The following FGF14 variants were observed in gnomAD, a reference collection of about 807,000 sequenced individuals.
The protein encoded by FGF14 is fibroblast growth factor homologous factor 4.
A neutral mutation model predicts 25.5 loss-of-function variants in FGF14; 5 were observed. The observed-to-expected ratio is 0.20, with a 90% CI of 0.10 to 0.41. FGF14 has a LOEUF of 0.41. Ranked by LOEUF, FGF14 falls within the 10% of genes least tolerant of loss-of-function variation. The pLI, the probability that FGF14 is intolerant of heterozygous loss-of-function variation, is 1.00. For synonymous variants in FGF14, 138 were observed against 118.3 expected (o/e 1.17, Z -1.08); for missense variants, 222 against 320.1 (o/e 0.69, Z 2.34).
intron 1 of FGF14, among the ~76,000 whole-genome samples, chr13:101,990,669 G>A (rs2038852731): frequency 6.6e-6 from 1 of 152,062 alleles, no homozygotes; most frequent in Non-Finnish European, 1.5e-5. Context: ...CTGGGCAGCA[G>A]GCTCTCTATG....
chr13:102,174,633 G>C (rs1459226085), intron 1 of FGF14, among the ~76,000 whole-genome samples: 5 of 152,120 alleles, frequency 3.3e-5, no homozygotes, highest in South Asian at 2.1e-4. Context: ...AGAAATCGTG[G>C]ATAATGGAGA....
chr13:102,304,508 AAAGG>A (rs2055263316), intron 1 of FGF14, among the ~76,000 whole-genome samples: 1 of 152,176 alleles, frequency 6.6e-6, no homozygotes, highest in Non-Finnish European at 1.5e-5. Flanking sequence ...GAAGTAAGAA[AAAGG>A]AATCGGTGGT....
intron 1 of FGF14, among the ~76,000 whole-genome samples, chr13:102,218,865 A>G (rs1043490067): frequency 2.0e-5 from 3 of 152,164 alleles, no homozygotes; most frequent in African/African-American, 7.2e-5. Flanking sequence ...TCTTAAGAGC[A>G]AATTCATTTT....
intron 1 of FGF14, among the ~76,000 whole-genome samples, chr13:101,878,134 T>G (rs1356584025): frequency 6.6e-6 from 1 of 152,186 alleles, no homozygotes. Context: ...ATCCATCCCC[T>G]GCAAGTAGCC....
intron 1 of FGF14, among the ~76,000 whole-genome samples, chr13:102,275,408 AT>A (rs569447714): frequency 2.6e-5 from 4 of 152,040 alleles, no homozygotes; most frequent in Non-Finnish European, 5.9e-5. Flanking sequence ...GGGCTATTAT[AT>A]TTTTTTACAA....
intron 3 of FGF14, among the ~76,000 whole-genome samples, chr13:101,746,701 A>G (rs1031799011): frequency 6.6e-6 from 1 of 152,048 alleles, no homozygotes; most frequent in Admixed American, 6.6e-5. Context: ...AAGGCACTTT[A>G]TCAATGCCAG....
At chr13:102,133,536 A>T (rs2046289411) in intron 1 of FGF14, among the ~76,000 whole-genome samples, 1 of 152,230 alleles carries the variant, frequency 6.6e-6, no homozygotes, top group South Asian at 2.1e-4. Context: ...TATGTAAAGT[A>T]AGAGACTTAT....
At chr13:102,118,565 T>C (rs1391134494) in intron 1 of FGF14, among the ~76,000 whole-genome samples, 2 of 152,116 alleles carry the variant, frequency 1.3e-5, no homozygotes, top group Non-Finnish European at 2.9e-5. Context: ...AGAAACCAAA[T>C]AACTGATCAG....
chr13:101,765,718 T>TTATTATTTTATTTATTTA (rs1555377152), intron 3 of FGF14, among the ~76,000 whole-genome samples: 22 of 143,318 alleles, frequency 1.5e-4, no homozygotes, highest in African/African-American at 5.4e-4. Flanking sequence ...ATTATTATTA[T>TTATTATTTTATTTATTTA]TTTATTTATT....
In FGF14 at chr13:101,719,533, CAAGTA is replaced by C. The variant is rs771376584; in HGVS notation, c.*3293_*3297del. 1 of 151,940 alleles carries C rather than the reference CAAGTA, an allele frequency of 6.6e-6. No individual in the cohort carries two copies. Among genetic ancestry groups the C allele is most frequent in the Non-Finnish European group, 1.5e-5 (1 of 67,990 alleles). 9.4% of individuals were successfully genotyped at this position (151,940 alleles called of 1,614,324 possible). A position where few individuals can be genotyped will look rare whatever the true frequency, so the allele number is the denominator to read the frequency against. On this transcript the variant is annotated 3_prime_UTR_variant, in exon 5 of 5. Transcript: ENST00000376143. ...ATTGTCATGTCTTCTCTAATTTTTC[CAAGTA>C]AAGTGGTAGCAAAATGTTTTAAAAA...
intron 1 of FGF14, among the ~76,000 whole-genome samples, chr13:102,264,256 C>T (rs1046312335): frequency 9.2e-5 from 14 of 151,904 alleles, no homozygotes; most frequent in Non-Finnish European, 4.4e-5. Context: ...ACTAGGATTG[C>T]ATAGGGACAA....
Position 102,045,925 on chromosome 13 carries a change from A to G in FGF14, c.209-170629T>C, listed in dbSNP as rs551021872. The G allele has an allele frequency of 2.1e-4, 33 of 154,150 alleles. No homozygotes were observed. In the South Asian group the frequency reaches 2.7e-3, roughly 12 times the overall value. 9.5% of individuals were successfully genotyped at this position (154,150 alleles called of 1,614,324 possible). On this transcript the variant is annotated intron_variant, in intron 1 of 4. Transcript: ENST00000376131. ...TGTGAGGAATGGCTAGAAGAGCTGAACAAGCATTCTCACAAAACCAATCAC... is the reference window on the plus strand; with the variant it reads ...TGTGAGGAATGGCTAGAAGAGCTGAGCAAGCATTCTCACAAAACCAATCAC...
chr13:102,032,159 C>T (rs1428611690), intron 1 of FGF14, among the ~76,000 whole-genome samples: 2 of 152,118 alleles, frequency 1.3e-5, no homozygotes, highest in Admixed American at 1.3e-4. Context: ...AGCACAGGAC[C>T]TTACCCACTG....
chr13:102,326,799 G>C (rs541337540), intron 1 of FGF14, among the ~76,000 whole-genome samples: 4 of 150,272 alleles, frequency 2.7e-5, no homozygotes, highest in African/African-American at 9.8e-5. Flanking sequence ...AAGGAAGGAA[G>C]GAAATATATA....
At chr13:101,811,125 A>C (rs1174306993) in intron 3 of FGF14, among the ~76,000 whole-genome samples, 1 of 150,604 alleles carries the variant, frequency 6.6e-6, no homozygotes, top group East Asian at 2.0e-4. Context: ...TAATCAGCCA[A>C]AGTCTATCCC....
chr13:102,338,393 C>T (rs1341177665), intron 1 of FGF14, among the ~76,000 whole-genome samples: 1 of 152,156 alleles, frequency 6.6e-6, no homozygotes, highest in Admixed American at 6.6e-5. Flanking sequence ...GAGAATCCTG[C>T]TCTGGAGAGA....
chr13:101,813,882 A>T (rs2041704096), intron 3 of FGF14, among the ~76,000 whole-genome samples: 1 of 152,232 alleles, frequency 6.6e-6, no homozygotes, highest in African/African-American at 2.4e-5. Flanking sequence ...GGATTCGAGG[A>T]ACCAAAACAA....
intron 1 of FGF14, among the ~76,000 whole-genome samples, chr13:102,028,495 T>C (rs1160094082): frequency 6.6e-6 from 1 of 152,110 alleles, no homozygotes; most frequent in Non-Finnish European, 1.5e-5. Context: ...GTTTCTGTCA[T>C]GTATAAGTAC....
At chr13:102,352,318 A>T (rs989489002) in intron 1 of FGF14, among the ~76,000 whole-genome samples, 2 of 151,750 alleles carry the variant, frequency 1.3e-5, no homozygotes, top group African/African-American at 2.4e-5. Flanking sequence ...AAATTGAAAT[A>T]CCTACAGAAT....
Sources: gnomAD v4.1 joint callset for allele counts (sites outside exome capture counted in the v4.1 genomes callset) on GRCh38, gnomAD v4.1.1 for gene constraint, MANE v1.5 for transcripts, NCBI Gene and HGNC (gene_info 2026-07-23, HGNC 2026-07-21) for gene names.